The following WDR7 variants were observed in gnomAD, a reference collection of about 807,000 sequenced individuals.
WDR7 encodes WD repeat-containing protein 7.
WDR7 carries 46 observed loss-of-function variants against 169.4 expected under a neutral mutation model. That is an observed-to-expected ratio of 0.27 (90% CI 0.21 to 0.35). The LOEUF (loss-of-function observed/expected upper bound fraction) is 0.35. Ranked by LOEUF, WDR7 falls within the 10% of genes least tolerant of loss-of-function variation. The pLI is 1.00. For synonymous variants in WDR7, 612 were observed against 666.8 expected, an observed-to-expected ratio of 0.92 and a Z score of 1.27; for missense variants, 1,534 against 1,859.3, an observed-to-expected ratio of 0.83 and a Z score of 3.22.
chr18:56,993,535 TA>T (rs74643590), intron 26 of WDR7, among the ~76,000 whole-genome samples: 8,698 of 152,190 alleles, frequency 0.057, 503 homozygotes, highest in African/African-American at 0.14. Flanking sequence ...TAAAGGCTCT[TA>T]AAAAATTGAA....
At chr18:57,005,040 A>G (rs2048035946) in intron 26 of WDR7, among the ~76,000 whole-genome samples, 1 of 152,230 alleles carries the variant, frequency 6.6e-6, no homozygotes, top group Non-Finnish European at 1.5e-5. Context: ...CAAAGCAGTT[A>G]TAAACTCTGA....
intron 21 of WDR7, among the ~76,000 whole-genome samples, chr18:56,894,882 A>T (rs2046309809): frequency 1.3e-5 from 2 of 152,128 alleles, no homozygotes; most frequent in African/African-American, 2.4e-5. Flanking sequence ...GTCCAATATA[A>T]AAAGTATACA....
intron 1 of WDR7, among the ~76,000 whole-genome samples, chr18:56,655,618 C>CAAAAA (rs56899358): frequency 1.1e-3 from 145 of 133,918 alleles, no homozygotes; most frequent in East Asian, 5.6e-3. Context: ...GACCCTGTCT[C>CAAAAA]AAAAAAAAAA....
At chr18:56,849,222 A>G (rs1386577705) in intron 20 of WDR7, among the ~76,000 whole-genome samples, 1 of 152,098 alleles carries the variant, frequency 6.6e-6, no homozygotes, top group African/African-American at 2.4e-5. Flanking sequence ...AACCCTTATC[A>G]GGATCACTAG....
intron 22 of WDR7, among the ~76,000 whole-genome samples, chr18:56,934,633 T>C (rs2046933332): frequency 6.6e-6 from 1 of 152,116 alleles, no homozygotes; most frequent in Non-Finnish European, 1.5e-5. Context: ...CAAAGACTTA[T>C]AAGCAGAATT....
chr18:56,876,999 A>G (rs541613413), intron 20 of WDR7, among the ~76,000 whole-genome samples: 40 of 152,284 alleles, frequency 2.6e-4, no homozygotes, highest in African/African-American at 8.9e-4. Context: ...CTTGGGAAAC[A>G]TAGTGAAACC....
chr18:56,762,798 G>GT (rs555940620), intron 16 of WDR7, among the ~76,000 whole-genome samples: 6 of 150,364 alleles, frequency 4.0e-5, no homozygotes, highest in Non-Finnish European at 8.9e-5. Context: ...TCAGTGTGCT[G>GT]TTTTTTGTTT....
chr18:56,932,134 C>A (rs958799874), intron 22 of WDR7, among the ~76,000 whole-genome samples: 1 of 152,178 alleles, frequency 6.6e-6, no homozygotes, highest in African/African-American at 2.4e-5. Context: ...CTCACACACA[C>A]AGCCCCCAAC....
chr18:56,802,758 G>T (rs1320617975), intron 19 of WDR7, among the ~76,000 whole-genome samples: 1 of 151,920 alleles, frequency 6.6e-6, no homozygotes, highest in Non-Finnish European at 1.5e-5. Context: ...CCAGTCTGCG[G>T]GTTGTTTTTC....
At chr18:57,003,801 AC>A (rs1195102503) in intron 26 of WDR7, among the ~76,000 whole-genome samples, 3 of 152,066 alleles carry the variant, frequency 2.0e-5, no homozygotes, top group Non-Finnish European at 4.4e-5. Context: ...TAATTTGCCA[AC>A]TATGCTTATC....
At chr18:56,974,135 T>C (rs1033425933) in intron 26 of WDR7, among the ~76,000 whole-genome samples, 4 of 152,192 alleles carry the variant, frequency 2.6e-5, no homozygotes, top group Admixed American at 1.3e-4. Flanking sequence ...AGTATAATTC[T>C]AGATTTTTGT....
intron 22 of WDR7, among the ~76,000 whole-genome samples, chr18:56,931,110 A>G (rs1229715904): frequency 6.6e-6 from 1 of 152,082 alleles, no homozygotes; most frequent in Non-Finnish European, 1.5e-5. Flanking sequence ...TAAAGCAGAG[A>G]GTCTGTCATG....
chr18:56,932,618 A>G (rs2046901823), intron 22 of WDR7, among the ~76,000 whole-genome samples: 2 of 152,128 alleles, frequency 1.3e-5, no homozygotes, highest in African/African-American at 4.8e-5. Context: ...TTTATTGTAC[A>G]TATAATAGAG....
chr18:56,661,918 G>A (rs897588348), intron 1 of WDR7, among the ~76,000 whole-genome samples: 2 of 152,022 alleles, frequency 1.3e-5, no homozygotes, highest in African/African-American at 2.4e-5. Context: ...TAATCATCAT[G>A]TCCTCATCAC....
intron 25 of WDR7, among the ~76,000 whole-genome samples, chr18:56,954,308 C>T (rs1007913459): frequency 3.9e-5 from 6 of 152,092 alleles, no homozygotes; most frequent in Admixed American, 6.5e-5. Flanking sequence ...TCACTTGTGT[C>T]CTCTAAATGA....
intron 26 of WDR7, among the ~76,000 whole-genome samples, chr18:57,015,629 A>G (rs780618254): frequency 1.3e-5 from 2 of 152,146 alleles, no homozygotes; most frequent in Non-Finnish European, 2.9e-5. Flanking sequence ...CTGTATTGGG[A>G]TGTCAGAAAG....
intron 1 of WDR7, among the ~76,000 whole-genome samples, chr18:56,656,353 C>CAGTGCCA (rs1470399840): frequency 6.7e-6 from 1 of 150,154 alleles, no homozygotes; most frequent in Non-Finnish European, 1.5e-5. Flanking sequence ...AATCTTGGCT[C>CAGTGCCA]AGTGCAACCT....
At chr18:56,721,975 G>T (rs1414958488) in intron 13 of WDR7, among the ~76,000 whole-genome samples, 5 of 152,190 alleles carry the variant, frequency 3.3e-5, no homozygotes, top group South Asian at 4.1e-4. Flanking sequence ...GAATTTATTT[G>T]TTCTGTGATG....
chr18:56,892,203 T>C (rs2046272997), intron 21 of WDR7, among the ~76,000 whole-genome samples: 1 of 152,148 alleles, frequency 6.6e-6, no homozygotes, highest in South Asian at 2.1e-4. Context: ...CATCTGAAAT[T>C]ATAGACCTCT....
Sources: allele counts gnomAD v4.1 joint callset (sites outside exome capture counted in the v4.1 genomes callset), GRCh38; gene constraint gnomAD v4.1.1; transcripts MANE v1.5; gene names NCBI Gene and HGNC (gene_info 2026-07-23, HGNC 2026-07-21).